FGFR1: variants seen among roughly 807,000 people sequenced by gnomAD.
FGFR1 encodes the protein fibroblast growth factor receptor 1, also known as FGFR1/PLAG1 fusion.
A neutral mutation model predicts 93.7 loss-of-function variants in FGFR1; 18 were observed. The ratio of observed to expected loss-of-function variants is 0.19; its 90% CI spans 0.13 to 0.28. The LOEUF is 0.28. FGFR1 is among the 10% of genes least tolerant of loss of function. FGFR1 has a pLI of 1.00. For synonymous variants in FGFR1, 448 were observed against 429.3 expected, an observed-to-expected ratio of 1.04 and a Z score of -0.54; for missense variants, 731 against 1,080.4, an observed-to-expected ratio of 0.68 and a Z score of 4.53.
chr8:38,463,987 T>C (rs933259229), intron 1 of FGFR1, among the ~76,000 whole-genome samples: 67 of 151,850 alleles, frequency 4.4e-4, no homozygotes, highest in African/African-American at 1.6e-3. Flanking sequence ...AAAAAGTGTC[T>C]AAATGTCCTT....
In FGFR1 at chr8:38,413,534, A is replaced by G. The variant is rs1414051259; in HGVS notation, c.*94T>C. ...GGCAGCCGGCTCCTGCCAGCAGGAA[A>G]GGGGACAGGGACGGACAGGTGGTGG... On this transcript the variant is annotated 3_prime_UTR_variant, in exon 18 of 18. Coordinates refer to ENST00000447712, the MANE Select transcript of FGFR1 (RefSeq NM_023110.3). This position sits in a 1 kb window ranked among gnomAD's most constrained non-coding sequence, Gnocchi z 4.2. 11 of 1,397,910 alleles carry G rather than the reference A, an allele frequency of 7.9e-6. No homozygotes were observed. In the East Asian group the frequency reaches 2.7e-4, roughly 34 times the overall value. The allele number at this position is 1,397,910 out of a possible 1,614,324, so 86.6% of individuals were successfully genotyped here.
chr8:38,464,312 C>CAAAAAAA (rs56133772), intron 1 of FGFR1, among the ~76,000 whole-genome samples: 4 of 82,382 alleles, frequency 4.9e-5, no homozygotes, highest in Admixed American at 1.4e-4. Context: ...GAGACTATCT[C>CAAAAAAA]AAAAAAAAAA....
rs563863786 is a variant in FGFR1 at position 38,411,800 on chromosome 8, C to T, written c.*1828G>A. 19 of 229,994 alleles carry T rather than the reference C, an allele frequency of 8.3e-5. No homozygotes were observed. Among genetic ancestry groups the T allele is most frequent in the Admixed American group, 6.8e-4 (12 of 17,664 alleles). 14.2% of individuals were successfully genotyped at this position (229,994 alleles called of 1,614,324 possible). On this transcript the variant is annotated 3_prime_UTR_variant, in exon 18 of 18. Transcript: ENST00000447712. ...AAAAACATTCGGAGAATTTTCCCCC[C>T]GTTCCTGAGGGACAGGATGGAGTTT...
intron 12 of FGFR1, 43 bp downstream of exon 12, chr8:38,417,260 ATCT>A (rs749784957): frequency 2.2e-5 from 32 of 1,484,374 alleles, no homozygotes; most frequent in Non-Finnish European, 2.9e-5. Flanking sequence ...CCCAGCTCAG[ATCT>A]TCTCCCCGCT....
chr8:38,436,303 G>A (rs1397764990), intron 2 of FGFR1, among the ~76,000 whole-genome samples: 1 of 152,110 alleles, frequency 6.6e-6, no homozygotes, highest in East Asian at 1.9e-4. Context: ...TTGAGCCCAG[G>A]AACTCAAGGC....
chr8:38,432,884 C>G (rs1259420656), intron 2 of FGFR1, among the ~76,000 whole-genome samples: 1 of 151,392 alleles, frequency 6.6e-6, no homozygotes, highest in African/African-American at 2.4e-5. Flanking sequence ...ATTCTCTCTA[C>G]CAGGGGCTGT....
In FGFR1 at chr8:38,468,070, C is replaced by T. The variant is rs979130178; in HGVS notation, c.-178G>A. The T allele has an allele frequency of 6.7e-5, 15 of 224,124 alleles. No homozygotes were observed. Among genetic ancestry groups the T allele is most frequent in the Admixed American group, 4.0e-4 (7 of 17,412 alleles). The allele number at this position is 224,124 out of a possible 1,614,324, so 13.9% of individuals were successfully genotyped here. A position where few individuals can be genotyped will look rare whatever the true frequency, so the allele number is the denominator to read the frequency against. On this transcript the variant is annotated 5_prime_UTR_variant, in exon 1 of 18. Coordinates refer to ENST00000447712, the MANE Select transcript of FGFR1 (RefSeq NM_023110.3). The stretch of plus-strand genomic sequence containing the variant: ...CCGCGTCCCCGGCTCCGGCCCGCCG[C>T]CCCCGGGCTCTGTTCGGGTCCTGGC...
chr8:38,456,100 C>G (rs1832745867), intron 2 of FGFR1, among the ~76,000 whole-genome samples: 1 of 152,190 alleles, frequency 6.6e-6, no homozygotes, highest in Admixed American at 6.5e-5. Context: ...CACATATTCT[C>G]ACCCATCACT....
chr8:38,459,844 ACT>A (rs1833926428), intron 1 of FGFR1, among the ~76,000 whole-genome samples: 1 of 152,120 alleles, frequency 6.6e-6, no homozygotes, highest in Non-Finnish European at 1.5e-5. Flanking sequence ...ATCCAAGGTA[ACT>A]CTGGTAACAA....
chr8:38,425,943 T>A (rs1332801365), intron 6 of FGFR1, 179 bp downstream of exon 6: 5 of 771,496 alleles, frequency 6.5e-6, no homozygotes, highest in Non-Finnish European at 1.1e-5. Flanking sequence ...TTAACTCTAT[T>A]TTACAGATAA....
chr8:38,431,695 G>A (rs958040139), intron 2 of FGFR1, among the ~76,000 whole-genome samples: 1 of 152,116 alleles, frequency 6.6e-6, no homozygotes, highest in African/African-American at 2.4e-5. Flanking sequence ...TTGACCCATG[G>A]GCTTTATCTT....
At chr8:38,447,159 C>T in intron 2 of FGFR1, among the ~76,000 whole-genome samples, 1 of 147,878 alleles carries the variant, frequency 6.8e-6, no homozygotes, top group African/African-American at 2.5e-5. Context: ...ACACCCCTGA[C>T]AAAGGGAGGG....
chr8:38,442,122 T>C (rs530741289), intron 2 of FGFR1, among the ~76,000 whole-genome samples: 2 of 152,206 alleles, frequency 1.3e-5, no homozygotes, highest in African/African-American at 4.8e-5. Context: ...GGGTCCTATT[T>C]TGGGAAAAGA....
rs377314381 is a variant in FGFR1 at position 38,415,915 on chromosome 8, G to C, written c.1809C>G (p.Cys603Trp). Residue 603 changes from cysteine (C) to tryptophan (W), a missense_variant, in exon 13 of 18, where the codon TGC becomes TGG. This residue lies in a region of FGFR1 where 39 missense variants were observed against 39.2 expected (regional missense o/e 1.00). Coordinates refer to ENST00000447712, the MANE Select transcript of FGFR1 (RefSeq NM_023110.3). ...EQLSSKDLVS[C>W]AYQVARGMEY... ...CCATGCCTCGGGCCACCTGGTAGGC[G>C]CAGGACACCAGGTCCTTGGAGGAGA... The C allele has an allele frequency of 1.2e-6, 2 of 1,614,018 alleles. No individual in the cohort carries two copies. The highest frequency in any genetic ancestry group is 1.7e-6 in the Non-Finnish European group (2 of 1,180,030).
In FGFR1 at chr8:38,463,379, G is replaced by A. The variant is rs1322140266; in HGVS notation, c.-89+4602C>T. 27 of 193,434 alleles carry A rather than the reference G, an allele frequency of 1.4e-4. No individual in the cohort carries two copies. The Admixed American group carries it at 1.7e-3, about 12-fold the overall frequency. The allele number at this position is 193,434 out of a possible 1,614,324, so 12.0% of individuals were successfully genotyped here. ...GACTTTCTTGGGCCTTCTAGCTGGAGAATTTCATTCCTCCAAATTTGCAAA... is the reference window on the plus strand; with the variant it reads ...GACTTTCTTGGGCCTTCTAGCTGGAAAATTTCATTCCTCCAAATTTGCAAA... On this transcript the variant is annotated intron_variant, in intron 1 of 17. Transcript: ENST00000447712.
In FGFR1 at chr8:38,429,685, A is replaced by C. The variant is rs1822163980; in HGVS notation, c.355T>G (p.Ser119Ala). ...AGGGCAGGGCTTGGCTACCAACCTG[A>C]AACATTGACGGAGAAGTAGGTGGTG... ...SDTTYFSVNV[S>A]DALPSSEDDD... The change falls in exon 3 of 18, where the codon TCA (serine) becomes GCA (alanine). Residue 119 changes from serine (S) to alanine (A), a missense_variant. Ser to Ala is a moderately conservative substitution (Grantham distance 99). Coordinates refer to ENST00000447712, the MANE Select transcript of FGFR1 (RefSeq NM_023110.3). This position sits in a 1 kb window ranked among gnomAD's most constrained non-coding sequence, Gnocchi z 4.4. 6.4e-7 allele frequency: 1 copy of C among 1,566,192 alleles called. No individual in the cohort carries two copies. The highest frequency in any genetic ancestry group is 1.4e-5 in the African/African-American group (1 of 73,694).
intron 2 of FGFR1, among the ~76,000 whole-genome samples, chr8:38,448,635 G>A (rs1448695546): frequency 6.6e-6 from 1 of 152,202 alleles, no homozygotes. Context: ...ATAATGTGAG[G>A]CAGAGTAAAG....
Position 38,429,532 on chromosome 8 carries a change from G to A in FGFR1, c.358+150C>T. The A allele has an allele frequency of 3.2e-6, 3 of 935,412 alleles. No individual in the cohort carries two copies. The highest frequency in any genetic ancestry group is 3.3e-6 in the Non-Finnish European group (2 of 609,402). 57.9% of individuals were successfully genotyped at this position (935,412 alleles called of 1,614,324 possible). ...TCTCTGAGAGCCAAGCCACGCGGCA[G>A]GCAGGGAGCAATGTTAGTGGGCAGC... On this transcript the variant is annotated intron_variant, in intron 3 of 17. Transcript: ENST00000447712. This position sits in a 1 kb window ranked among gnomAD's most constrained non-coding sequence, Gnocchi z 4.4.
chr8:38,425,747 T>C (rs1820529830), intron 6 of FGFR1, among the ~76,000 whole-genome samples: 1 of 152,218 alleles, frequency 6.6e-6, no homozygotes, highest in African/African-American at 2.4e-5. Context: ...ACTGCCCACC[T>C]TGCAGGTGTG....
Sources: allele counts gnomAD v4.1 joint callset (sites outside exome capture counted in the v4.1 genomes callset), GRCh38; gene constraint gnomAD v4.1.1; regional missense constraint gnomAD v4.1.1; non-coding constraint Gnocchi (gnomAD v3.1); transcripts MANE v1.5; gene names NCBI Gene and HGNC (gene_info 2026-07-23, HGNC 2026-07-21).